Variants in TMEM26 observed in about 807,000 individuals in gnomAD.
The protein encoded by TMEM26 is transmembrane protein 26.
Under a neutral mutation model 28.8 loss-of-function variants are expected in TMEM26, and 38 were observed. That is an observed-to-expected ratio of 1.32 (90% CI 1.02 to 1.73). The LOEUF is 1.73. Among genes scored for constraint, TMEM26 ranks in the 40% most tolerant of loss-of-function variants. The probability of loss-of-function intolerance (pLI) is 0.00; values close to 1 mark genes in which losing one functional copy is unlikely to be tolerated. For missense variants in TMEM26, 518 were observed against 447.1 expected, an observed-to-expected ratio of 1.16 and a Z score of -1.43; for synonymous variants, 227 against 182.9, an observed-to-expected ratio of 1.24 and a Z score of -1.95.
chr10:61,448,310 GGAGT>G (rs1433032509), intron 1 of TMEM26, among the ~76,000 whole-genome samples: 1 of 152,208 alleles, frequency 6.6e-6, no homozygotes, highest in Non-Finnish European at 1.5e-5. Context: ...CTGAACTGCT[GGAGT>G]GAGTAAGATT....
chr10:61,444,587 T>C (rs551534081), intron 1 of TMEM26, among the ~76,000 whole-genome samples: 93 of 151,738 alleles, frequency 6.1e-4, no homozygotes, highest in African/African-American at 2.2e-3. Flanking sequence ...CTTCCCTACA[T>C]TGTGTTCTAA....
At chr10:61,436,307 AAAATT>A in intron 1 of TMEM26, 59 bp from the exon 2 acceptor site, 1 of 1,152,250 alleles carries the variant, frequency 8.7e-7, no homozygotes, top group Non-Finnish European at 1.2e-6. Context: ...TCCAAAAAAA[AAAATT>A]AAGAGGAAGA....
chr10:61,417,192 C>T (rs751393818), intron 4 of TMEM26, among the ~76,000 whole-genome samples: 11 of 151,898 alleles, frequency 7.2e-5, no homozygotes, highest in Non-Finnish European at 1.5e-4. Flanking sequence ...TCTGCCTTCA[C>T]AAATGTCAAC....
In TMEM26 at chr10:61,435,881, A is replaced by G. The variant is rs185027504; in HGVS notation, c.270+289T>C. 3.3e-3 allele frequency among the ~76,000 whole-genome samples: 501 copies of G among 152,268 alleles called. 2 individuals carry two copies. Among genetic ancestry groups the G allele is most frequent in the Non-Finnish European group, 5.1e-3 (350 of 68,006 alleles). On this transcript the variant is annotated intron_variant, in intron 2 of 5. Coordinates refer to ENST00000399298, the MANE Select transcript of TMEM26 (RefSeq NM_178505.8). ...ATTTCCACACCCCCATGTAAACTCT[A>G]CCATCCTGTAGGGTGGGGGACAGGG...
At chr10:61,431,419 T>C in intron 2 of TMEM26, 87 bp from the exon 3 acceptor site, 1 of 942,126 alleles carries the variant, frequency 1.1e-6, no homozygotes, top group Non-Finnish European at 1.7e-6. Context: ...GTTCAAGAGA[T>C]TATGAGCAGA....
intron 1 of TMEM26, among the ~76,000 whole-genome samples, chr10:61,441,633 G>A (rs1175655580): frequency 6.6e-6 from 1 of 152,096 alleles, no homozygotes; most frequent in Non-Finnish European, 1.5e-5. Flanking sequence ...CACGTTTCTG[G>A]ATAACTGTTT....
chr10:61,433,987 G>T (rs1397756467), intron 2 of TMEM26, among the ~76,000 whole-genome samples: 1 of 151,986 alleles, frequency 6.6e-6, no homozygotes, highest in African/African-American at 2.4e-5. Context: ...GGAGTTGTTG[G>T]GTCCATATAT....
chr10:61,451,111 A>G (rs1054260702), intron 1 of TMEM26, among the ~76,000 whole-genome samples: 2 of 152,188 alleles, frequency 1.3e-5, no homozygotes, highest in South Asian at 4.1e-4. Flanking sequence ...TGCGTACTCT[A>G]AACACTAGTA....
intron 4 of TMEM26, 166 bp from the exon 5 acceptor site, chr10:61,413,701 A>T (rs1839607095): frequency 1.5e-6 from 2 of 1,310,188 alleles, no homozygotes; most frequent in African/African-American, 1.5e-5. Flanking sequence ...TAATAATGGA[A>T]TAATGAAGAA....
intron 4 of TMEM26, among the ~76,000 whole-genome samples, chr10:61,428,422 T>C (rs1202584363): frequency 6.6e-6 from 1 of 152,086 alleles, no homozygotes; most frequent in Non-Finnish European, 1.5e-5. Context: ...AAATAAAACC[T>C]CATCTGCCCC....
At chr10:61,419,606 C>A (rs1447362177) in intron 4 of TMEM26, among the ~76,000 whole-genome samples, 1 of 151,814 alleles carries the variant, frequency 6.6e-6, no homozygotes, top group African/African-American at 2.4e-5. Context: ...AATCAGTGAC[C>A]TAGAAGATAG....
At position 61,410,622 on chromosome 10, in the gene TMEM26, A is replaced by T. The variant is rs746394123; in HGVS notation, c.807T>A (p.Leu269=). 2 of 1,614,132 alleles carry T rather than the reference A, an allele frequency of 1.2e-6. No homozygotes were observed. Among genetic ancestry groups the T allele is most frequent in the Non-Finnish European group, 8.5e-7 (1 of 1,180,014 alleles). The change falls in exon 6 of 6, where the codon CTT becomes CTA. Residue 269 remains leucine, a synonymous_variant. Coordinates refer to ENST00000399298, the MANE Select transcript of TMEM26 (RefSeq NM_178505.8). The stretch of plus-strand genomic sequence containing the variant: ...AGGTCATCAGTATGAGACGCACGAC[A>T]AGGAAGGGGCCATCTTGTATGAAGA... The part of the protein sequence containing the change: ...ISVFIQDGPF[L]VVRLILMTYF...
chr10:61,449,981 A>G lies in TMEM26; in HGVS notation c.191+2910T>C, dbSNP rs1293276482. On this transcript the variant is annotated intron_variant, in intron 1 of 5. Transcript: ENST00000399298. ...GAGTTTAGTGGTTAAAATCTAGCTC[A>G]TTATTTTTAATGTCAGCAAAATAGC... Among the ~76,000 whole-genome samples the G allele has an allele frequency of 2.0e-5, 3 of 152,148 alleles. No individual in the cohort carries two copies. In the East Asian group the frequency reaches 5.8e-4, roughly 29 times the overall value.
At position 61,410,276 on chromosome 10, in the gene TMEM26, GAACCA is replaced by G. The variant is rs1564470518; in HGVS notation, c.*41_*45del. ...AGAAAAAGGATCCTCCCTGTAAGAA[GAACCA>G]GGGAGTCAGGTTCTAGCCGCAGACC... On this transcript the variant is annotated 3_prime_UTR_variant, in exon 6 of 6. Transcript: ENST00000399298. 23 of 1,533,590 alleles carry G rather than the reference GAACCA, an allele frequency of 1.5e-5. No individual in the cohort carries two copies. The highest frequency in any genetic ancestry group is 2.0e-5 in the Non-Finnish European group (23 of 1,134,236). The allele number at this position is 1,533,590 out of a possible 1,614,324, so 95.0% of individuals were successfully genotyped here. A position where few individuals can be genotyped will look rare whatever the true frequency, so the allele number is the denominator to read the frequency against.
intron 1 of TMEM26, among the ~76,000 whole-genome samples, chr10:61,437,998 A>G (rs1239383024): frequency 6.6e-6 from 1 of 152,218 alleles, no homozygotes; most frequent in East Asian, 1.9e-4. Flanking sequence ...ATGTTATTAT[A>G]ATTCAGGAGA....
At chr10:61,446,547 G>A (rs1264968347) in intron 1 of TMEM26, among the ~76,000 whole-genome samples, 1 of 151,934 alleles carries the variant, frequency 6.6e-6, no homozygotes, top group East Asian at 1.9e-4. Flanking sequence ...TGGGCCAGGC[G>A]CGATGGCTCA....
At chr10:61,433,293 A>G (rs189564364) in intron 2 of TMEM26, among the ~76,000 whole-genome samples, 71 of 152,262 alleles carry the variant, frequency 4.7e-4, no homozygotes, top group African/African-American at 1.6e-3. Flanking sequence ...TTGGGACTGC[A>G]GTGAACAAGT....
intron 1 of TMEM26, among the ~76,000 whole-genome samples, chr10:61,450,089 G>C (rs1840251438): frequency 6.6e-6 from 1 of 152,072 alleles, no homozygotes; most frequent in Non-Finnish European, 1.5e-5. Context: ...CCACAAACAA[G>C]ATGGATATTA....
intron 5 of TMEM26, chr10:61,413,076 G>T: frequency 1.5e-6 from 1 of 657,974 alleles, no homozygotes. Flanking sequence ...TAAGCAAACT[G>T]TATATTACTG....
Sources: allele counts gnomAD v4.1 joint callset (sites outside exome capture counted in the v4.1 genomes callset), GRCh38; gene constraint gnomAD v4.1.1; transcripts MANE v1.5; gene names NCBI Gene and HGNC (gene_info 2026-07-23, HGNC 2026-07-21).